Variants in N4BP2L2 observed in about 807,000 individuals in gnomAD.
N4BP2L2 encodes NEDD4 binding protein 2 like 2.
N4BP2L2 carries 50 observed loss-of-function variants against 56.2 expected under a neutral mutation model. The observed-to-expected ratio is 0.89, with a 90% confidence interval of 0.71 to 1.13. N4BP2L2 has a LOEUF of 1.13. Ranked by LOEUF, N4BP2L2 falls within the 50% of genes most tolerant of loss-of-function variation. The pLI, the probability that N4BP2L2 is intolerant of heterozygous loss-of-function variation, is 0.00. For missense variants in N4BP2L2, 689 were observed against 693.8 expected (o/e 0.99, Z 0.08); for synonymous variants, 203 against 223.6 (o/e 0.91, Z 0.82).
intron 6 of N4BP2L2, among the ~76,000 whole-genome samples, chr13:32,454,804 G>A (rs1279025148): frequency 1.3e-5 from 2 of 152,180 alleles, no homozygotes; most frequent in Non-Finnish European, 2.9e-5. Flanking sequence ...ACTCTGAATA[G>A]AGCATTTAAG....
rs771067682 is a variant in N4BP2L2 at position 32,438,647 on chromosome 13, T to C, written c.2190+5A>G. ...ACATACACACACACACACACACATA[T>C]ATACCTCCACTGACATCTTCCATTG... On this transcript the variant is annotated splice_donor_5th_base_variant and intron_variant, in intron 8 of 9. Transcript: ENST00000357505. The C allele has an allele frequency of 1.9e-6, 3 of 1,586,840 alleles. No individual in the cohort carries two copies. The highest frequency in any genetic ancestry group is 2.2e-5 in the South Asian group (2 of 90,084).
chr13:32,478,224 G>A lies in N4BP2L2; in HGVS notation c.366-34098C>T, dbSNP rs145511825. On this transcript the variant is annotated intron_variant, in intron 6 of 9. Coordinates refer to the N4BP2L2 transcript ENST00000357505. ...AGGAATATTATGACATTTAAGAAGC[G>A]TACCACTGCAGGTGTAATTTACGGT... 141 of 388,824 alleles carry A rather than the reference G, an allele frequency of 3.6e-4. 1 individual carries two copies. The East Asian group carries it at 9.8e-3, about 27-fold the overall frequency. The allele number at this position is 388,824 out of a possible 1,614,324, so 24.1% of individuals were successfully genotyped here.
At chr13:32,505,402 G>C (rs1031209851), downstream of N4BP2L2, 3 of 152,128 alleles carry the variant, frequency 2.0e-5, no homozygotes, top group African/African-American at 7.2e-5. Flanking sequence ...TGGTTGTCTT[G>C]CAACAACTTT....
upstream of N4BP2L2, chr13:32,538,803 T>C (rs571575747): frequency 9.1e-6 from 9 of 985,362 alleles, no homozygotes; most frequent in African/African-American, 1.6e-4. Context: ...GGCGGTCACC[T>C]CTCGGTTACC....
chr13:32,467,938 C>T (rs1489651032), intron 6 of N4BP2L2, among the ~76,000 whole-genome samples: 2 of 151,338 alleles, frequency 1.3e-5, no homozygotes, highest in Non-Finnish European at 2.9e-5. Flanking sequence ...AGCAGTGAGG[C>T]GAGATTGCAC....
At chr13:32,458,878 C>T (rs963384096) in intron 6 of N4BP2L2, among the ~76,000 whole-genome samples, 1 of 152,114 alleles carries the variant, frequency 6.6e-6, no homozygotes, top group African/African-American at 2.4e-5. Flanking sequence ...CAGGATAGAC[C>T]ACATGTTGGG....
chr13:32,489,810 TAACAC>T lies in N4BP2L2; in HGVS notation c.365+28042_365+28046del, dbSNP rs78827163. ...GCAGTTCATTTCCAATGCTAAGAAA[TAACAC>T]AATACATTGGCAACATTGCTTCACA... On this transcript the variant is annotated intron_variant, in intron 6 of 9. Transcript: ENST00000357505. Among the ~76,000 whole-genome samples the T allele has an allele frequency of 3.1e-3, 450 of 145,386 alleles. 6 individuals are homozygous for T. The East Asian group carries it at 0.052, about 17-fold the overall frequency.
intron 6 of N4BP2L2, chr13:32,478,150 A>C: frequency 2.1e-6 from 2 of 956,408 alleles, no homozygotes; most frequent in South Asian, 3.4e-5. Flanking sequence ...AGAACATTCA[A>C]TCTCAACGAA....
Position 32,490,424 on chromosome 13 carries a change from C to T in N4BP2L2, c.365+27433G>A, listed in dbSNP as rs2086812711. Among the ~76,000 whole-genome samples the T allele has an allele frequency of 2.0e-5, 3 of 152,152 alleles. No homozygotes were observed. In the South Asian group the frequency reaches 6.2e-4, roughly 32 times the overall value. ...GGTTCAAGCAATTCTCCTGCCTCAG[C>T]CTCCCCAGTAGCTGGGATTACAGGC... On this transcript the variant is annotated intron_variant, in intron 6 of 9. Transcript: ENST00000357505.
chr13:32,482,338 C>G (rs141390622), intron 6 of N4BP2L2, among the ~76,000 whole-genome samples: 1 of 152,042 alleles, frequency 6.6e-6, no homozygotes, highest in Admixed American at 6.6e-5. Flanking sequence ...ACATACCTAG[C>G]GTGATTATAA....
chr13:32,511,420 C>G (rs917587365), exon 6 of N4BP2L2: 1 of 152,208 alleles, frequency 6.6e-6, no homozygotes, highest in Non-Finnish European at 1.5e-5. Flanking sequence ...TACTGCTTAT[C>G]AATTAGCATC....
At chr13:32,493,224 C>G (rs990212033) in intron 6 of N4BP2L2, among the ~76,000 whole-genome samples, 5 of 152,100 alleles carry the variant, frequency 3.3e-5, no homozygotes, top group African/African-American at 1.2e-4. Flanking sequence ...CGTGCCCAGT[C>G]TCTTTCTTTT....
At chr13:32,457,347 T>C (rs1182632423) in intron 6 of N4BP2L2, among the ~76,000 whole-genome samples, 1 of 152,106 alleles carries the variant, frequency 6.6e-6, no homozygotes, top group Admixed American at 6.5e-5. Context: ...TTCTCATGTC[T>C]AGCAAGAGAT....
At position 32,436,249 on chromosome 13, in the gene N4BP2L2, T is replaced by G. The variant is rs2075460991; in HGVS notation, c.*21+112A>C. On this transcript the variant is annotated intron_variant, in intron 9 of 9. Transcript: ENST00000357505. ...TGCTATGGTAACAAACTTCATTTTT[T>G]ATATTTTACTCTCCAGTCGTGCTAT... is the stretch of plus-strand genomic sequence containing the variant. The G allele has an allele frequency of 8.5e-6, 4 of 468,320 alleles. No homozygotes were observed. In the East Asian group the frequency reaches 1.8e-4, roughly 21 times the overall value. 29.0% of individuals were successfully genotyped at this position (468,320 alleles called of 1,614,324 possible).
chr13:32,465,661 T>C (rs1306477203), intron 6 of N4BP2L2, among the ~76,000 whole-genome samples: 1 of 152,212 alleles, frequency 6.6e-6, no homozygotes, highest in Non-Finnish European at 1.5e-5. Flanking sequence ...ATTTTAGTTT[T>C]GTTTCTTTTT....
chr13:32,475,678 G>A (rs1231234598), intron 6 of N4BP2L2, among the ~76,000 whole-genome samples: 2 of 152,132 alleles, frequency 1.3e-5, no homozygotes, highest in East Asian at 1.9e-4. Context: ...TGATTGGCAC[G>A]ACTGCCAGTA....
chr13:32,468,469 T>C (rs921609699), intron 6 of N4BP2L2, among the ~76,000 whole-genome samples: 3 of 152,182 alleles, frequency 2.0e-5, no homozygotes, highest in East Asian at 1.9e-4. Context: ...AATATTTTCA[T>C]TGGTAAAGCG....
intron 3 of N4BP2L2, chr13:32,526,818 G>GTTTTTTTTTTCTTTT (rs2053012893): frequency 1.2e-4 from 3 of 24,234 alleles, no homozygotes; most frequent in Non-Finnish European, 2.4e-4. Flanking sequence ...CTTTTTGTCT[G>GTTTTTTTTTTCTTTT]TTTTTTTTTT....
intron 6 of N4BP2L2, among the ~76,000 whole-genome samples, chr13:32,458,020 C>T (rs903699789): frequency 2.6e-5 from 4 of 151,124 alleles, no homozygotes; most frequent in East Asian, 1.9e-4. Context: ...TACAGACTGG[C>T]TGTATTGATT....
Sources: gnomAD v4.1 joint callset for allele counts (sites outside exome capture counted in the v4.1 genomes callset) on GRCh38, gnomAD v4.1.1 for gene constraint, MANE v1.5 for transcripts, NCBI Gene and HGNC (gene_info 2026-07-23, HGNC 2026-07-21) for gene names.